TNIK: variants seen among roughly 807,000 people sequenced by gnomAD.
The protein encoded by TNIK is TRAF2 and NCK-interacting protein kinase.
In TNIK, 49 loss-of-function variants were observed where a neutral mutation model predicts 191.3. That is an observed-to-expected ratio of 0.26 (90% CI 0.20 to 0.32). The LOEUF (loss-of-function observed/expected upper bound fraction) is 0.32, where lower values mean the gene tolerates loss of function less well. TNIK is among the 10% of genes least tolerant of loss of function. TNIK has a pLI of 1.00. For missense variants in TNIK, 1,155 were observed against 1,702.3 expected (o/e 0.68, Z 5.66); for synonymous variants, 594 against 600.9 (o/e 0.99, Z 0.17).
At chr3:171,277,405 TAA>T (rs1749880741) in intron 2 of TNIK, among the ~76,000 whole-genome samples, 1 of 152,020 alleles carries the variant, frequency 6.6e-6, no homozygotes, top group Non-Finnish European at 1.5e-5. Context: ...TCAGAATAGC[TAA>T]AAGAGAAAAA....
intron 2 of TNIK, among the ~76,000 whole-genome samples, chr3:171,300,801 G>A (rs1752800017): frequency 6.6e-6 from 1 of 152,144 alleles, no homozygotes; most frequent in Admixed American, 6.5e-5. Flanking sequence ...AGGGCACAAA[G>A]ATGAATAGGA....
chr3:171,216,987 A>G (rs1172012848), intron 3 of TNIK, among the ~76,000 whole-genome samples: 1 of 152,014 alleles, frequency 6.6e-6, no homozygotes, highest in African/African-American at 2.4e-5. Context: ...GTATATGTTA[A>G]CTCTAAGTTA....
rs1717973751 is a variant in TNIK at position 171,062,885 on chromosome 3, A to T, written c.*996T>A. The T allele has an allele frequency of 6.6e-6, 1 of 152,170 alleles. No homozygotes were observed. The highest frequency in any genetic ancestry group is 2.1e-4 in the South Asian group (1 of 4,826). 9.4% of individuals were successfully genotyped at this position (152,170 alleles called of 1,614,324 possible). A position where few individuals can be genotyped will look rare whatever the true frequency, so the allele number is the denominator to read the frequency against. On this transcript the variant is annotated 3_prime_UTR_variant, in exon 33 of 33. Transcript: ENST00000436636. ...ACTCTCCAAGTCCCAGAAAGAACTC[A>T]ACAAAGTCTCAGTCCTAATGAAGCC...
At chr3:171,428,480 A>C (rs1724932333) in intron 1 of TNIK, among the ~76,000 whole-genome samples, 1 of 151,880 alleles carries the variant, frequency 6.6e-6, no homozygotes, top group East Asian at 1.9e-4. Flanking sequence ...TCAACCGACC[A>C]AAGGTCTTCC....
chr3:171,450,461 G>A (rs1728034325), intron 1 of TNIK, among the ~76,000 whole-genome samples: 1 of 152,294 alleles, frequency 6.6e-6, no homozygotes, highest in African/African-American at 2.4e-5. Flanking sequence ...GTTGAGGGAC[G>A]TGGTATAACG....
chr3:171,317,615 G>A (rs1186500263), intron 2 of TNIK, among the ~76,000 whole-genome samples: 1 of 152,178 alleles, frequency 6.6e-6, no homozygotes, highest in Non-Finnish European at 1.5e-5. Flanking sequence ...TCTGGACAGA[G>A]CGTGAGTGAA....
intron 18 of TNIK, among the ~76,000 whole-genome samples, chr3:171,113,183 T>G (rs1245689116): frequency 6.6e-6 from 1 of 152,264 alleles, no homozygotes. Flanking sequence ...TTCTGTGAAT[T>G]GCTTAATTAA....
chr3:171,158,408 G>A (rs1177134889), intron 11 of TNIK, among the ~76,000 whole-genome samples: 2 of 152,204 alleles, frequency 1.3e-5, no homozygotes, highest in South Asian at 2.1e-4. Context: ...GACAGAGATC[G>A]AGAGGACATA....
chr3:171,429,764 T>C (rs1216433680), intron 1 of TNIK, among the ~76,000 whole-genome samples: 1 of 152,106 alleles, frequency 6.6e-6, no homozygotes, highest in Non-Finnish European at 1.5e-5. Context: ...CATCCCCTCT[T>C]CTCTACTCTA....
At chr3:171,236,922 G>A (rs751479924) in intron 2 of TNIK, among the ~76,000 whole-genome samples, 4 of 152,258 alleles carry the variant, frequency 2.6e-5, no homozygotes, top group South Asian at 4.2e-4. Flanking sequence ...CCACAGACAC[G>A]ATAGGCTGGG....
intron 22 of TNIK, among the ~76,000 whole-genome samples, chr3:171,097,722 TTTTTC>T (rs1722919391): frequency 1.3e-5 from 2 of 152,210 alleles, no homozygotes; most frequent in East Asian, 3.8e-4. Flanking sequence ...ATTAAACCTC[TTTTTC>T]TTTATAACTT....
chr3:171,441,951 A>G (rs1373993454), intron 1 of TNIK, among the ~76,000 whole-genome samples: 1 of 152,216 alleles, frequency 6.6e-6, no homozygotes, highest in African/African-American at 2.4e-5. Flanking sequence ...TACTTAAAAA[A>G]TTTTGAGAGC....
At chr3:171,248,375 A>G (rs528717151) in intron 2 of TNIK, among the ~76,000 whole-genome samples, 291 of 152,334 alleles carry the variant, frequency 1.9e-3, no homozygotes, top group Admixed American at 3.3e-3. Flanking sequence ...TGTGCAGCCC[A>G]AATGCAGAAA....
chr3:171,288,807 C>CAAAAAA (rs10666822), intron 2 of TNIK, among the ~76,000 whole-genome samples: 14 of 109,044 alleles, frequency 1.3e-4, no homozygotes, highest in African/African-American at 2.5e-4. Context: ...GACTCCATCT[C>CAAAAAA]AAAAAAAAAA....
At chr3:171,390,081 C>T (rs996640402) in intron 1 of TNIK, among the ~76,000 whole-genome samples, 1 of 152,182 alleles carries the variant, frequency 6.6e-6, no homozygotes, top group African/African-American at 2.4e-5. Context: ...CATGCACCTT[C>T]AGTTGCCAAG....
intron 2 of TNIK, among the ~76,000 whole-genome samples, chr3:171,275,706 C>T (rs1293635360): frequency 6.6e-6 from 1 of 151,864 alleles, no homozygotes; most frequent in Non-Finnish European, 1.5e-5. Context: ...ACCATCCTGG[C>T]TAACATGGTG....
intron 23 of TNIK, among the ~76,000 whole-genome samples, chr3:171,091,078 G>A (rs1317096007): frequency 6.6e-6 from 1 of 152,154 alleles, no homozygotes; most frequent in Non-Finnish European, 1.5e-5. Flanking sequence ...AAGGTTTGAT[G>A]ATGGTTAATT....
chr3:171,330,519 C>T (rs1184733932), intron 2 of TNIK, among the ~76,000 whole-genome samples: 1 of 152,182 alleles, frequency 6.6e-6, no homozygotes, highest in African/African-American at 2.4e-5. Context: ...TAGTTAAGAA[C>T]ATTTACTTAG....
chr3:171,443,347 T>C (rs1192072345), intron 1 of TNIK, among the ~76,000 whole-genome samples: 1 of 152,092 alleles, frequency 6.6e-6, no homozygotes, highest in Non-Finnish European at 1.5e-5. Flanking sequence ...TTGCAACATA[T>C]ATTATCTCAA....
Sources: gnomAD v4.1 joint callset for allele counts (sites outside exome capture counted in the v4.1 genomes callset) on GRCh38, gnomAD v4.1.1 for gene constraint, MANE v1.5 for transcripts, NCBI Gene and HGNC (gene_info 2026-07-23, HGNC 2026-07-21) for gene names.